The following DPYD variants were observed in gnomAD, a reference collection of about 807,000 sequenced individuals.
The protein encoded by DPYD is dihydropyrimidine dehydrogenase.
In DPYD, 109 loss-of-function variants were observed where a neutral mutation model predicts 116.2. The ratio of observed to expected loss-of-function variants is 0.94; its 90% CI spans 0.80 to 1.10. The LOEUF is 1.10. Among genes scored for constraint, DPYD ranks in the 50% least tolerant of loss-of-function variants. The probability of loss-of-function intolerance (pLI) is 0.00; values close to 1 mark genes in which losing one functional copy is unlikely to be tolerated. For missense variants in DPYD, 1,302 were observed against 1,254.5 expected, an observed-to-expected ratio of 1.04 and a Z score of -0.57; for synonymous variants, 440 against 432.0, an observed-to-expected ratio of 1.02 and a Z score of -0.23.
chr1:97,250,450 G>A (rs763337626), intron 18 of DPYD, among the ~76,000 whole-genome samples: 55 of 152,018 alleles, frequency 3.6e-4, no homozygotes, highest in Non-Finnish European at 6.6e-4. Context: ...GTTCATGACA[G>A]CCTTACCCAT....
chr1:97,253,403 C>T (rs760851884), intron 18 of DPYD, among the ~76,000 whole-genome samples: 24 of 152,086 alleles, frequency 1.6e-4, no homozygotes, highest in Non-Finnish European at 3.2e-4. Flanking sequence ...CAAAAGCAAA[C>T]ATTTCCCTTT....
chr1:97,225,248 C>T (rs1287325467), intron 19 of DPYD, among the ~76,000 whole-genome samples: 1 of 151,996 alleles, frequency 6.6e-6, no homozygotes. Context: ...TTTACACCCT[C>T]ATCAACATTT....
intron 18 of DPYD, among the ~76,000 whole-genome samples, chr1:97,255,595 A>C (rs1228812337): frequency 6.6e-6 from 1 of 152,126 alleles, no homozygotes; most frequent in Non-Finnish European, 1.5e-5. Flanking sequence ...AGCCATGTGG[A>C]ACTGTAAGTC....
intron 14 of DPYD, among the ~76,000 whole-genome samples, chr1:97,433,767 A>G (rs564870620): frequency 5.3e-5 from 8 of 152,298 alleles, no homozygotes; most frequent in Admixed American, 1.3e-4. Context: ...AACATTTCAT[A>G]CAACTCTGCA....
chr1:97,317,934 T>A (rs983946654), intron 16 of DPYD, among the ~76,000 whole-genome samples: 1 of 152,078 alleles, frequency 6.6e-6, no homozygotes, highest in African/African-American at 2.4e-5. Context: ...TATAGTTCTT[T>A]AAAGAATTTC....
intron 20 of DPYD, among the ~76,000 whole-genome samples, chr1:97,148,390 CAG>C (rs1654788481): frequency 6.6e-6 from 1 of 152,068 alleles, no homozygotes; most frequent in African/African-American, 2.4e-5. Context: ...AAACTGAAGA[CAG>C]ATGTCTTGTG....
intron 2 of DPYD, among the ~76,000 whole-genome samples, chr1:97,860,291 C>A (rs980514499): frequency 6.6e-6 from 1 of 152,170 alleles, no homozygotes; most frequent in Non-Finnish European, 1.5e-5. Flanking sequence ...TGTCTCTACA[C>A]AGATAAATAA....
chr1:97,641,662 TG>T, intron 8 of DPYD, among the ~76,000 whole-genome samples: 1 of 152,270 alleles, frequency 6.6e-6, no homozygotes, highest in East Asian at 1.9e-4. Flanking sequence ...GGGCAAAAGC[TG>T]GAACCATTCC....
At chr1:97,805,743 G>C (rs571042667) in intron 3 of DPYD, among the ~76,000 whole-genome samples, 6 of 151,726 alleles carry the variant, frequency 4.0e-5, no homozygotes, top group African/African-American at 1.4e-4. Context: ...CTTAAAATGG[G>C]CTAAGGAGAA....
At chr1:97,341,105 C>G (rs957600612) in intron 16 of DPYD, among the ~76,000 whole-genome samples, 1 of 152,126 alleles carries the variant, frequency 6.6e-6, no homozygotes, top group Non-Finnish European at 1.5e-5. Context: ...TGTCTCTGGT[C>G]TTCCCCCATG....
In DPYD at chr1:97,078,904, A is replaced by G; in HGVS notation, c.*72T>C. 1 of 1,524,952 alleles carries G rather than the reference A, an allele frequency of 6.6e-7. No homozygotes were observed. Among genetic ancestry groups the G allele is most frequent in the Non-Finnish European group, 9.1e-7 (1 of 1,099,222 alleles). The allele number at this position is 1,524,952 out of a possible 1,614,324, so 94.5% of individuals were successfully genotyped here. A position where few individuals can be genotyped will look rare whatever the true frequency, so the allele number is the denominator to read the frequency against. On this transcript the variant is annotated 3_prime_UTR_variant, in exon 23 of 23. Transcript: ENST00000370192. ...TTTAATTTGGAAAGAGCTGAACACA[A>G]GGATCATGATTTTAAAAGATCAGCA...
At chr1:97,706,442 A>T (rs914038014) in intron 5 of DPYD, among the ~76,000 whole-genome samples, 5 of 152,074 alleles carry the variant, frequency 3.3e-5, no homozygotes, top group African/African-American at 9.7e-5. Flanking sequence ...ATTTATTATG[A>T]AAATAGCATC....
intron 5 of DPYD, among the ~76,000 whole-genome samples, chr1:97,705,131 C>CAAA (rs1557895444): frequency 6.8e-6 from 1 of 146,886 alleles, no homozygotes; most frequent in Non-Finnish European, 1.5e-5. Flanking sequence ...AGCCTGAACT[C>CAAA]TTTTTTTTTT....
chr1:97,873,930 A>T (rs1671780090), intron 2 of DPYD, among the ~76,000 whole-genome samples: 1 of 151,944 alleles, frequency 6.6e-6, no homozygotes, highest in Non-Finnish European at 1.5e-5. Context: ...TAAACAACCA[A>T]ACAAGTAAAA....
intron 2 of DPYD, among the ~76,000 whole-genome samples, chr1:97,858,709 C>T (rs1206532043): frequency 3.9e-5 from 6 of 152,116 alleles, no homozygotes; most frequent in East Asian, 1.9e-4. Flanking sequence ...AATGAAACTA[C>T]GTAAACATAC....
At chr1:97,216,978 T>C (rs1660447105) in intron 19 of DPYD, among the ~76,000 whole-genome samples, 1 of 151,564 alleles carries the variant, frequency 6.6e-6, no homozygotes, top group Non-Finnish European at 1.5e-5. Flanking sequence ...GAGGCCGAGG[T>C]GAGTGGATCA....
chr1:97,917,708 CAGAT>C (rs1427673331), intron 1 of DPYD, among the ~76,000 whole-genome samples: 1 of 152,150 alleles, frequency 6.6e-6, no homozygotes, highest in Non-Finnish European at 1.5e-5. Context: ...AGTACAGTAA[CAGAT>C]AGCAACTTGG....
intron 21 of DPYD, among the ~76,000 whole-genome samples, chr1:97,087,877 C>T (rs887495698): frequency 1.3e-5 from 2 of 152,140 alleles, no homozygotes; most frequent in Non-Finnish European, 2.9e-5. Flanking sequence ...TATAATTTAA[C>T]AGTGTACCAC....
intron 2 of DPYD, among the ~76,000 whole-genome samples, chr1:97,857,640 C>A (rs151153711): frequency 2.0e-5 from 3 of 152,290 alleles, no homozygotes; most frequent in African/African-American, 7.2e-5. Flanking sequence ...CCGTAGCTCA[C>A]CCTATGCATC....
Sources: gnomAD v4.1 joint callset for allele counts (sites outside exome capture counted in the v4.1 genomes callset) on GRCh38, gnomAD v4.1.1 for gene constraint, MANE v1.5 for transcripts, NCBI Gene and HGNC (gene_info 2026-07-23, HGNC 2026-07-21) for gene names.